The following RARB variants were observed in gnomAD, a reference collection of about 807,000 sequenced individuals.
RARB encodes retinoic acid receptor beta, also known as HBV-activated protein.
RARB carries 17 observed loss-of-function variants against 51.9 expected under a neutral mutation model. That is an observed-to-expected ratio of 0.33 (90% confidence interval 0.22 to 0.49). RARB has a LOEUF of 0.49. RARB is among the 20% of genes least tolerant of loss of function. The pLI is 0.99. For missense variants in RARB, 369 were observed against 550.8 expected (o/e 0.67, Z 3.30); for synonymous variants, 215 against 195.4 (o/e 1.10, Z -0.84).
At chr3:25,094,557 A>G (rs1699258519) in intron 3 of RARB, among the ~76,000 whole-genome samples, 1 of 151,964 alleles carries the variant, frequency 6.6e-6, no homozygotes, top group Admixed American at 6.6e-5. Flanking sequence ...TCTCTACCAA[A>G]AATACAAAAA....
intron 3 of RARB, among the ~76,000 whole-genome samples, chr3:25,085,984 G>T (rs949141022): frequency 6.6e-6 from 1 of 152,120 alleles, no homozygotes; most frequent in Non-Finnish European, 1.5e-5. Flanking sequence ...TCTCCTCCAC[G>T]TAACAATGCA....
intron 5 of RARB, among the ~76,000 whole-genome samples, chr3:25,415,866 A>G (rs2125503444): frequency 6.6e-6 from 1 of 152,356 alleles, no homozygotes; most frequent in Middle Eastern, 3.4e-3. Flanking sequence ...CTGGGATCAT[A>G]GCAGTGAACT....
At chr3:24,990,408 T>C (rs13099198) in intron 2 of RARB, among the ~76,000 whole-genome samples, 39,955 of 80,532 alleles carry the variant, frequency 0.5, 15,268 homozygotes, top group East Asian at 0.99. Context: ...TTGCCATCTA[T>C]GATAATCAAA....
chr3:25,457,813 C>T (rs1240906524), intron 1 of RARB, among the ~76,000 whole-genome samples: 1 of 152,184 alleles, frequency 6.6e-6, no homozygotes, highest in Non-Finnish European at 1.5e-5. Context: ...ATTCTATTTA[C>T]AACTTTCCTA....
At chr3:25,526,307 T>A (rs1196410050) in intron 3 of RARB, among the ~76,000 whole-genome samples, 2 of 152,208 alleles carry the variant, frequency 1.3e-5, no homozygotes, top group African/African-American at 4.8e-5. Flanking sequence ...AAGGGTGGTG[T>A]TCTTGTAGCC....
intron 4 of RARB, among the ~76,000 whole-genome samples, chr3:25,132,618 C>G (rs1180357088): frequency 6.6e-6 from 1 of 151,896 alleles, no homozygotes; most frequent in African/African-American, 2.4e-5. Flanking sequence ...AACATGTAAA[C>G]TAATTCATCC....
At chr3:24,930,241 C>A (rs1695410148) in intron 2 of RARB, among the ~76,000 whole-genome samples, 1 of 151,948 alleles carries the variant, frequency 6.6e-6, no homozygotes, top group Non-Finnish European at 1.5e-5. Flanking sequence ...AGAGAGCTCT[C>A]CTTTGAGGGC....
At chr3:25,280,648 G>A (rs763230055) in intron 5 of RARB, among the ~76,000 whole-genome samples, 3 of 152,136 alleles carry the variant, frequency 2.0e-5, no homozygotes, top group South Asian at 2.1e-4. Flanking sequence ...CAGATGTTAC[G>A]TCAACGTTTA....
intron 2 of RARB, among the ~76,000 whole-genome samples, chr3:25,050,525 A>G (rs1698309273): frequency 1.3e-5 from 2 of 152,330 alleles, no homozygotes; most frequent in South Asian, 4.1e-4. Flanking sequence ...TTACGAAGTC[A>G]AATAGTTCTA....
rs34213569 is a variant in RARB, at chr3:25,392,373, C to CT, written c.179-68811dup. Among the ~76,000 whole-genome samples the CT allele has an allele frequency of 8.0e-5, 12 of 150,628 alleles. No homozygotes were observed. In the East Asian group the frequency reaches 1.2e-3, roughly 15 times the overall value. Reference sequence around the variant, plus strand: ...CTTCATCTGGCTTTGGCTATGTGGGCTTTTTTTTTGGTTCCATATGAATTT... The same window carrying CT: ...CTTCATCTGGCTTTGGCTATGTGGGCTTTTTTTTTTGGTTCCATATGAATTT... On this transcript the variant is annotated intron_variant, in intron 5 of 11. Coordinates refer to the RARB transcript ENST00000383772.
At chr3:24,867,030 G>T (rs1355912194) in intron 2 of RARB, among the ~76,000 whole-genome samples, 3 of 152,078 alleles carry the variant, frequency 2.0e-5, no homozygotes, top group Non-Finnish European at 2.9e-5. Context: ...CATCAGATAT[G>T]CAAAAAACGT....
chr3:24,906,136 G>A (rs1188790164), intron 2 of RARB, among the ~76,000 whole-genome samples: 1 of 152,180 alleles, frequency 6.6e-6, no homozygotes. Flanking sequence ...GGCTAGGCAG[G>A]GTGGGTTTCA....
At chr3:24,872,045 T>G (rs1345797294) in intron 2 of RARB, among the ~76,000 whole-genome samples, 2 of 152,180 alleles carry the variant, frequency 1.3e-5, no homozygotes, top group African/African-American at 4.8e-5. Context: ...CTTTTAGTGT[T>G]TCTTGTAGAG....
chr3:25,543,540 G>A (rs1699478599), intron 3 of RARB, among the ~76,000 whole-genome samples: 1 of 152,102 alleles, frequency 6.6e-6, no homozygotes, highest in Non-Finnish European at 1.5e-5. Context: ...TGGGTGGTTG[G>A]CCAAGGGGGT....
At chr3:25,303,241 G>T (rs1704082161) in intron 5 of RARB, among the ~76,000 whole-genome samples, 1 of 152,168 alleles carries the variant, frequency 6.6e-6, no homozygotes, top group Admixed American at 6.5e-5. Flanking sequence ...CCAAGTCAGA[G>T]AGATTGTGAC....
chr3:25,067,255 C>T (rs929162058), intron 3 of RARB, among the ~76,000 whole-genome samples: 3 of 152,002 alleles, frequency 2.0e-5, no homozygotes, highest in Non-Finnish European at 4.4e-5. Context: ...GTATGAAAAA[C>T]GAAAGTGAGC....
chr3:24,866,760 C>A (rs1702856078), intron 2 of RARB, among the ~76,000 whole-genome samples: 1 of 152,124 alleles, frequency 6.6e-6, no homozygotes, highest in Non-Finnish European at 1.5e-5. Context: ...TGATTTATCA[C>A]ATCAGGAGAA....
intron 5 of RARB, among the ~76,000 whole-genome samples, chr3:25,206,283 A>C (rs1255210692): frequency 6.6e-6 from 1 of 152,188 alleles, no homozygotes; most frequent in Non-Finnish European, 1.5e-5. Context: ...TTCTTACATA[A>C]ATTTGATATT....
chr3:25,567,059 C>G (rs537806460), intron 3 of RARB, among the ~76,000 whole-genome samples: 6 of 152,342 alleles, frequency 3.9e-5, no homozygotes, highest in Middle Eastern at 6.8e-3. Context: ...GGTGTCATCT[C>G]AGCTTCAGAA....
Sources: gnomAD v4.1 joint callset for allele counts (sites outside exome capture counted in the v4.1 genomes callset) on GRCh38, gnomAD v4.1.1 for gene constraint, MANE v1.5 for transcripts, NCBI Gene and HGNC (gene_info 2026-07-23, HGNC 2026-07-21) for gene names.